FOXF1: variants seen among roughly 807,000 people sequenced by gnomAD.
FOXF1 encodes the protein forkhead box F1.
Under a neutral mutation model 26.6 loss-of-function variants are expected in FOXF1, and 9 were observed. The ratio of observed to expected loss-of-function variants is 0.34; its 90% CI spans 0.20 to 0.59. The LOEUF is 0.59. FOXF1 is among the 20% of genes least tolerant of loss of function. FOXF1 has a pLI of 0.83. For missense variants in FOXF1, 499 were observed against 549.9 expected (o/e 0.91, Z 0.93); for synonymous variants, 330 against 257.7 (o/e 1.28, Z -2.69).
At chr16:86,511,913 G>A in intron 1 of FOXF1, among the ~76,000 whole-genome samples, 1 of 152,212 alleles carries the variant, frequency 6.6e-6, no homozygotes. Context: ...AAGGCTCCCA[G>A]CGCTGGCCAG....
At chr16:86,512,885 C>A (rs371829663) in intron 1 of FOXF1, 40 bp from the exon 2 acceptor site, 1 of 1,612,702 alleles carries the variant, frequency 6.2e-7, no homozygotes, top group Non-Finnish European at 8.5e-7. Context: ...GTGGCTAACT[C>A]TTCTGCTCCC....
chr16:86,511,348 ACGC>A lies in FOXF1; in HGVS notation c.782_784del (p.Ala261del). On this transcript the variant is annotated inframe_deletion, in exon 1 of 2. Transcript: ENST00000262426. ...GGCGCCGGTGGGGTCATGGAGCCGC[ACGC>A]CGTCTACTCGGGCTCGGCGGCGGCC... The A allele has an allele frequency of 6.5e-7, 1 of 1,546,038 alleles. No individual in the cohort carries two copies. The highest frequency in any genetic ancestry group is 8.7e-7 in the Non-Finnish European group (1 of 1,155,472).
chr16:86,510,587 G>A lies in FOXF1; in HGVS notation c.18G>A (p.Glu6=), dbSNP rs1969544403. 4.4e-6 allele frequency: 6 copies of A among 1,376,254 alleles called. No homozygotes were observed. Among genetic ancestry groups the A allele is most frequent in the South Asian group, 3.6e-5 (2 of 55,452 alleles). 85.3% of individuals were successfully genotyped at this position (1,376,254 alleles called of 1,614,324 possible). A position where few individuals can be genotyped will look rare whatever the true frequency, so the allele number is the denominator to read the frequency against. The change falls in exon 1 of 2, where the codon GAG becomes GAA. Residue 6 remains glutamate (E), a synonymous_variant. Coordinates refer to ENST00000262426, the MANE Select transcript of FOXF1 (RefSeq NM_001451.3). MSSAP[E]KQQPPHGGGG... The stretch of plus-strand genomic sequence containing the variant: ...GCCACCCGATGTCTTCGGCGCCCGA[G>A]AAGCAGCAGCCACCGCACGGCGGCG...
At position 86,511,176 on chromosome 16, in the gene FOXF1, G is replaced by C; in HGVS notation, c.607G>C (p.Val203Leu). The C allele has an allele frequency of 6.3e-7, 1 of 1,580,104 alleles. No individual in the cohort carries two copies. Among genetic ancestry groups the C allele is most frequent in the Non-Finnish European group, 8.5e-7 (1 of 1,171,098 alleles). Reference sequence around the variant, plus strand: ...GATGAACGGCCACTTGCCGGGCAACGTGGACGGCATGGCCCTGCCCAGCCA... The same window carrying C: ...GATGAACGGCCACTTGCCGGGCAACCTGGACGGCATGGCCCTGCCCAGCCA... ...GMMNGHLPGN[V>L]DGMALPSHSV... is the part of the protein sequence containing the mutation. Residue 203 changes from valine (V) to leucine (L), a missense_variant, in exon 1 of 2, where the codon GTG becomes CTG. Coordinates refer to ENST00000262426, the MANE Select transcript of FOXF1 (RefSeq NM_001451.3).
chr16:86,511,334 G>A lies in FOXF1; in HGVS notation c.765G>A (p.Gly255=). 1.3e-6 allele frequency: 2 copies of A among 1,532,576 alleles called. No homozygotes were observed. The highest frequency in any genetic ancestry group is 1.7e-6 in the Non-Finnish European group (2 of 1,147,662). 94.9% of individuals were successfully genotyped at this position (1,532,576 alleles called of 1,614,324 possible). Residue 255 remains glycine, a synonymous_variant, in exon 1 of 2, where the codon GGG becomes GGA. Coordinates refer to ENST00000262426, the MANE Select transcript of FOXF1 (RefSeq NM_001451.3). ...ASPLLPTGAG[G]VMEPHAVYSG... ...CGCTGCTGCCCACCGGCGCCGGTGG[G>A]GTCATGGAGCCGCACGCCGTCTACT...
At chr16:86,512,395 G>A (rs1204873612) in intron 1 of FOXF1, among the ~76,000 whole-genome samples, 2 of 152,236 alleles carry the variant, frequency 1.3e-5, no homozygotes, top group East Asian at 1.9e-4. Context: ...CAGGAGGCAG[G>A]AGCCAGGCCT....
chr16:86,512,388 G>C (rs974487621), intron 1 of FOXF1, among the ~76,000 whole-genome samples: 8 of 152,242 alleles, frequency 5.3e-5, no homozygotes, highest in Non-Finnish European at 8.8e-5. Context: ...GCAGCCCCAG[G>C]AGGCAGGAGC....
rs758098808 is a variant in FOXF1 at position 86,511,148 on chromosome 16, C to A, written c.579C>A (p.Gly193=). The A allele has an allele frequency of 1.8e-5, 29 of 1,599,390 alleles. No homozygotes were observed. The Admixed American group carries it at 4.9e-4, about 27-fold the overall frequency. ...PNSLALEGGL[G]MMNGHLPGNV... ...GCCTGGCGCTGGAGGGCGGCCTGGGCATGATGAACGGCCACTTGCCGGGCA... is the reference window on the plus strand; with the variant it reads ...GCCTGGCGCTGGAGGGCGGCCTGGGAATGATGAACGGCCACTTGCCGGGCA... Residue 193 remains glycine (G), a synonymous_variant, in exon 1 of 2, where the codon GGC becomes GGA. Transcript: ENST00000262426.
rs989637808 is a variant in FOXF1, at chr16:86,513,482, CAT to C, written c.*398_*399del. On this transcript the variant is annotated 3_prime_UTR_variant, in exon 2 of 2. Coordinates refer to ENST00000262426, the MANE Select transcript of FOXF1 (RefSeq NM_001451.3). ...GGAAAATTTTTAGAAGAAAAGCAAACATGTGAGACCAATCATTATCAAATACT... is the reference window on the plus strand; with the variant it reads ...GGAAAATTTTTAGAAGAAAAGCAAACGTGAGACCAATCATTATCAAATACT... 3.5e-5 allele frequency: 8 copies of C among 228,816 alleles called. No homozygotes were observed. The highest frequency in any genetic ancestry group is 1.1e-4 in the East Asian group (1 of 9,322). The allele number at this position is 228,816 out of a possible 1,614,324, so 14.2% of individuals were successfully genotyped here. A position where few individuals can be genotyped will look rare whatever the true frequency, so the allele number is the denominator to read the frequency against.
Position 86,510,998 on chromosome 16 carries a change from C to G in FOXF1, c.429C>G (p.Gly143=). 6.2e-7 allele frequency: 1 copy of G among 1,612,994 alleles called. No individual in the cohort carries two copies. The highest frequency in any genetic ancestry group is 8.5e-7 in the Non-Finnish European group (1 of 1,180,002). The change falls in exon 1 of 2, where the codon GGC becomes GGG. Residue 143 remains glycine (G), a synonymous_variant. Transcript: ENST00000262426. ...EEGSFRRRPR[G]FRRKCQALKP... ...GCTCCTTTCGGCGGCGGCCGCGCGGCTTCCGAAGGAAATGCCAGGCGCTCA... is the reference window on the plus strand; with the variant it reads ...GCTCCTTTCGGCGGCGGCCGCGCGGGTTCCGAAGGAAATGCCAGGCGCTCA...
intron 1 of FOXF1, among the ~76,000 whole-genome samples, chr16:86,511,877 G>GC (rs1969571144): frequency 2.0e-5 from 3 of 152,226 alleles, no homozygotes; most frequent in African/African-American, 7.2e-5. Flanking sequence ...TCCCCTCACA[G>GC]CTTGGAAAGA....
rs189589856 is a variant in FOXF1, at chr16:86,511,579, C to T, written c.979+31C>T. On this transcript the variant is annotated intron_variant, in intron 1 of 1. Coordinates refer to ENST00000262426, the MANE Select transcript of FOXF1 (RefSeq NM_001451.3). Reference sequence around the variant, plus strand: ...TGGGGAGGCCGAGGGCGCCCTGGTCCCCGGGAAGTCGAGTCTGAGTGGCAG... The same window carrying T: ...TGGGGAGGCCGAGGGCGCCCTGGTCTCCGGGAAGTCGAGTCTGAGTGGCAG... The T allele has an allele frequency of 2.7e-4, 423 of 1,557,962 alleles. 3 individuals are homozygous for T. In the African/African-American group the frequency reaches 5.2e-3, roughly 19 times the overall value.
At position 86,513,109 on chromosome 16, in the gene FOXF1, G is replaced by C; in HGVS notation, c.*24G>C. On this transcript the variant is annotated 3_prime_UTR_variant, in exon 2 of 2. Coordinates refer to ENST00000262426, the MANE Select transcript of FOXF1 (RefSeq NM_001451.3). ...GAGGCTGCCGCCGCAGGCCCTCCTGGTGCAGGCAGGCGGGTCACAGGGACC... is the reference window on the plus strand; with the variant it reads ...GAGGCTGCCGCCGCAGGCCCTCCTGCTGCAGGCAGGCGGGTCACAGGGACC... 1.9e-6 allele frequency: 3 copies of C among 1,606,858 alleles called. No individual in the cohort carries two copies. Among genetic ancestry groups the C allele is most frequent in the South Asian group, 2.2e-5 (2 of 91,056 alleles).
chr16:86,511,747 A>C (rs866806117), intron 1 of FOXF1, among the ~76,000 whole-genome samples, 199 bp downstream of exon 1: 1 of 152,132 alleles, frequency 6.6e-6, no homozygotes, highest in Non-Finnish European at 1.5e-5. Flanking sequence ...AGTTTGGGCC[A>C]ATCTGTTTCT....
At chr16:86,512,819 A>T (rs1212916979) in intron 1 of FOXF1, 106 bp from the exon 2 acceptor site, 1 of 1,362,604 alleles carries the variant, frequency 7.3e-7, no homozygotes, top group African/African-American at 1.4e-5. Context: ...AGCCAGGCTG[A>T]CAGGCCCTGT....
In FOXF1 at chr16:86,514,233, A is replaced by ATG. The variant is rs1297286164; in HGVS notation, c.*1149_*1150dup. The ATG allele has an allele frequency of 3.0e-5, 4 of 133,036 alleles. No individual in the cohort carries two copies. Among genetic ancestry groups the ATG allele is most frequent in the African/African-American group, 1.1e-4 (4 of 36,914 alleles). 8.2% of individuals were successfully genotyped at this position (133,036 alleles called of 1,614,324 possible). A position where few individuals can be genotyped will look rare whatever the true frequency, so the allele number is the denominator to read the frequency against. On this transcript the variant is annotated 3_prime_UTR_variant, in exon 2 of 2. Transcript: ENST00000262426. ...TGTTTTATATAAATATATATATAAT[A>ATG]TGAAGGACTACCCTCCTTTTTTTTT...
At position 86,511,257 on chromosome 16, in the gene FOXF1, G is replaced by A. The variant is rs1208582643; in HGVS notation, c.688G>A (p.Gly230Ser). Residue 230 changes from glycine to serine, a missense_variant, in exon 1 of 2, where the codon GGC becomes AGC. Physicochemically the swap from Gly to Ser is moderately conservative, Grantham distance 56. This residue lies in a region of FOXF1 where 367 missense variants were observed against 324.8 expected (regional missense o/e 1.13). Transcript: ENST00000262426. ...GGHSYMGGCG[G>S]AAAGEYPHHD... The stretch of plus-strand genomic sequence containing the variant: ...CCACTCGTACATGGGCGGCTGCGGC[G>A]GCGCGGCGGCCGGCGAGTACCCGCA... 4 of 1,519,708 alleles carry A rather than the reference G, an allele frequency of 2.6e-6. No homozygotes were observed. The highest frequency in any genetic ancestry group is 1.4e-5 in the African/African-American group (1 of 72,090). The allele number at this position is 1,519,708 out of a possible 1,614,324, so 94.1% of individuals were successfully genotyped here.
chr16:86,511,577 T>G, intron 1 of FOXF1, 29 bp downstream of exon 1: 2 of 1,560,972 alleles, frequency 1.3e-6, no homozygotes, highest in Non-Finnish European at 1.7e-6. Context: ...GGCGCCCTGG[T>G]CCCCGGGAAG....
At position 86,511,130 on chromosome 16, in the gene FOXF1, G is replaced by T; in HGVS notation, c.561G>T (p.Ala187=). The T allele has an allele frequency of 6.2e-7, 1 of 1,602,704 alleles. No individual in the cohort carries two copies. The change falls in exon 1 of 2, where the codon GCG becomes GCT. Residue 187 remains alanine (A), a synonymous_variant. Transcript: ENST00000262426. ...GGLSCPPNSL[A]LEGGLGMMNG... is the part of the protein sequence containing the mutation. Reference sequence around the variant, plus strand: ...TCTCGTGCCCGCCCAACAGCCTGGCGCTGGAGGGCGGCCTGGGCATGATGA... The same window carrying T: ...TCTCGTGCCCGCCCAACAGCCTGGCTCTGGAGGGCGGCCTGGGCATGATGA...
Sources: allele counts gnomAD v4.1 joint callset (sites outside exome capture counted in the v4.1 genomes callset), GRCh38; gene constraint gnomAD v4.1.1; regional missense constraint gnomAD v4.1.1; transcripts MANE v1.5; gene names NCBI Gene and HGNC (gene_info 2026-07-23, HGNC 2026-07-21).